Variants in OSGIN1 observed in about 807,000 individuals in gnomAD.
OSGIN1 encodes the protein oxidative stress induced growth inhibitor 1.
OSGIN1 carries 19 observed loss-of-function variants against 20.1 expected under a neutral mutation model. The ratio of observed to expected loss-of-function variants is 0.95; its 90% CI spans 0.66 to 1.39. The LOEUF is 1.39. OSGIN1 is among the 40% of genes most tolerant of loss of function. The pLI, the probability that OSGIN1 is intolerant of heterozygous loss-of-function variation, is 0.00. For synonymous variants in OSGIN1, 368 were observed against 297.8 expected, an observed-to-expected ratio of 1.24 and a Z score of -2.43; for missense variants, 820 against 653.0, an observed-to-expected ratio of 1.26 and a Z score of -2.79.
intron 5 of OSGIN1, among the ~76,000 whole-genome samples, chr16:83,962,358 C>T (rs892982568): frequency 9.9e-5 from 15 of 152,242 alleles, no homozygotes; most frequent in African/African-American, 3.6e-4. Flanking sequence ...CCTGCCCCAG[C>T]CTCCCGAGTA....
intron 1 of OSGIN1, among the ~76,000 whole-genome samples, chr16:83,953,755 T>C (rs758490631): frequency 6.6e-6 from 1 of 152,104 alleles, no homozygotes; most frequent in South Asian, 2.1e-4. Context: ...TCTGGGTTTC[T>C]GCTTCTCCTG....
At position 83,960,728 on chromosome 16, in the gene OSGIN1, C is replaced by A; in HGVS notation, c.364C>A (p.Leu122Met). Residue 122 changes from leucine to methionine, a missense_variant, in exon 4 of 6, where the codon CTG becomes ATG. Leu to Met is a conservative substitution (Grantham distance 15). Transcript: ENST00000393306. Reference sequence around the variant, plus strand: ...GGAGCACGCCATCCCCCACGTGGTTCTGGGCCGGAACCTCCCCGGGGGAGC... The same window carrying A: ...GGAGCACGCCATCCCCCACGTGGTTATGGGCCGGAACCTCCCCGGGGGAGC... ...RKEHAIPHVV[L>M]GRNLPGGAWH... is the part of the protein sequence containing the mutation. 1 of 1,613,422 alleles carries A rather than the reference C, an allele frequency of 6.2e-7. No homozygotes were observed. Among genetic ancestry groups the A allele is most frequent in the Non-Finnish European group, 8.5e-7 (1 of 1,180,028 alleles).
chr16:83,954,339 A>C (rs1174857013), intron 1 of OSGIN1: 1 of 152,248 alleles, frequency 6.6e-6, no homozygotes, highest in African/African-American at 2.4e-5. Flanking sequence ...ACGTCAGTCG[A>C]AGGTGCAACT....
rs145668522 is a variant in OSGIN1 at position 83,960,645 on chromosome 16, G to C, written c.281G>C (p.Arg94Pro). The C allele has an allele frequency of 2.7e-5, 43 of 1,613,512 alleles. No homozygotes were observed. The African/African-American group carries it at 4.9e-4, about 18-fold the overall frequency. The change falls in exon 4 of 6, where the codon CGC (arginine) becomes CCC (proline). Residue 94 changes from arginine to proline, a missense_variant. Physicochemically the swap from Arg to Pro is moderately radical, Grantham distance 103 (BLOSUM62 -2). Coordinates refer to ENST00000393306, the MANE Select transcript of OSGIN1 (RefSeq NM_182981.3). ...PVALLFDALL[R>P]PDTDFGGNMK... The stretch of plus-strand genomic sequence containing the variant: ...GCCCTGCTCTTTGATGCCCTTCTAC[G>C]CCCAGACACAGACTTTGGGGGAAAC...
At chr16:83,962,324 C>T (rs1327313451) in intron 5 of OSGIN1, among the ~76,000 whole-genome samples, 7 of 152,272 alleles carry the variant, frequency 4.6e-5, no homozygotes, top group Middle Eastern at 3.4e-3. Context: ...CTGCAAGCTC[C>T]GCCTCCCAGG....
In OSGIN1 at chr16:83,959,292, C is replaced by A; in HGVS notation, c.100C>A (p.Leu34Met). 1 of 1,613,840 alleles carries A rather than the reference C, an allele frequency of 6.2e-7. No homozygotes were observed. The highest frequency in any genetic ancestry group is 8.5e-7 in the Non-Finnish European group (1 of 1,179,978). ...CCCCTCTGGTATCTGCCTGTCCTAC[C>A]TGCTCTCCGGCTACACACCCTACAC... ...NGPSGICLSYLLSGYTPYTKP... is the reference protein window; with the variant it reads ...NGPSGICLSYMLSGYTPYTKP... The change falls in exon 3 of 6, where the codon CTG (leucine) becomes ATG (methionine). Residue 34 changes from leucine to methionine, a missense_variant. Transcript: ENST00000393306.
At chr16:83,957,814 G>T (rs920896424) in intron 2 of OSGIN1, 76 bp downstream of exon 2, 2 of 686,622 alleles carry the variant, frequency 2.9e-6, no homozygotes, top group East Asian at 3.3e-5. Flanking sequence ...GGCAGGAGCT[G>T]GGCAAGTCCA....
chr16:83,966,304 G>C lies in OSGIN1; in HGVS notation c.*297G>C, dbSNP rs2084279715. ...TGCAGCCCTGCGCCTTCCAGAAGCA[G>C]GTCCCAAATAAAGCCAGTGCCCACC... On this transcript the variant is annotated 3_prime_UTR_variant, in exon 6 of 6. Transcript: ENST00000393306. 2.2e-6 allele frequency: 1 copy of C among 455,956 alleles called. No homozygotes were observed. The highest frequency in any genetic ancestry group is 3.9e-6 in the Non-Finnish European group (1 of 258,718). 28.2% of individuals were successfully genotyped at this position (455,956 alleles called of 1,614,324 possible).
chr16:83,957,568 G>A, intron 1 of OSGIN1, 72 bp from the exon 2 acceptor site: 2 of 789,174 alleles, frequency 2.5e-6, no homozygotes, highest in Non-Finnish European at 4.4e-6. Context: ...CCCTAGCTGG[G>A]AGGTGAAGTG....
chr16:83,953,501 G>A lies in OSGIN1; in HGVS notation c.-33+131G>A, dbSNP rs945291440. On this transcript the variant is annotated intron_variant, in intron 1 of 5. Transcript: ENST00000393306. ...GGGGTCCCGGGTGGTCCTGAGTGGA[G>A]GCCCTCGCCTGGGTTCTCTGGAGCC... 8 of 724,804 alleles carry A rather than the reference G, an allele frequency of 1.1e-5. No homozygotes were observed. The African/African-American group carries it at 1.3e-4, about 12-fold the overall frequency. The allele number at this position is 724,804 out of a possible 1,614,324, so 44.9% of individuals were successfully genotyped here.
chr16:83,961,866 A>T (rs558468712), intron 5 of OSGIN1, among the ~76,000 whole-genome samples: 1 of 152,082 alleles, frequency 6.6e-6, no homozygotes, highest in Non-Finnish European at 1.5e-5. Flanking sequence ...CAGGTCCCCC[A>T]GTCCTTGTGG....
intron 1 of OSGIN1, chr16:83,954,160 C>G (rs1197181130): frequency 6.6e-6 from 1 of 152,268 alleles, no homozygotes; most frequent in Non-Finnish European, 1.5e-5. Flanking sequence ...TTTTCTTCCT[C>G]TGCACAATGG....
In OSGIN1 at chr16:83,966,051, G is replaced by A. The variant is rs750636656; in HGVS notation, c.*44G>A. The stretch of plus-strand genomic sequence containing the variant: ...GGCTCCCAGGCCCTGAGAGGACAGA[G>A]ATGACCACATCCCTGCTGGATGCAG... On this transcript the variant is annotated 3_prime_UTR_variant, in exon 6 of 6. Coordinates refer to ENST00000393306, the MANE Select transcript of OSGIN1 (RefSeq NM_182981.3). The A allele has an allele frequency of 3.2e-5, 45 of 1,395,508 alleles. No individual in the cohort carries two copies. In the South Asian group the frequency reaches 5.0e-4, roughly 16 times the overall value. 86.4% of individuals were successfully genotyped at this position (1,395,508 alleles called of 1,614,324 possible).
chr16:83,964,834 G>A (rs2084256800), intron 5 of OSGIN1, among the ~76,000 whole-genome samples: 1 of 152,016 alleles, frequency 6.6e-6, no homozygotes, highest in Non-Finnish European at 1.5e-5. Context: ...CCACCCTAGA[G>A]CATCCTACAC....
chr16:83,958,062 A>T (rs1286925793), intron 2 of OSGIN1, among the ~76,000 whole-genome samples: 1 of 152,004 alleles, frequency 6.6e-6, no homozygotes, highest in Non-Finnish European at 1.5e-5. Flanking sequence ...TTTTTAGTAG[A>T]GATGGGGTTT....
At chr16:83,961,410 T>G (rs2084209997) in intron 5 of OSGIN1, among the ~76,000 whole-genome samples, 1 of 152,116 alleles carries the variant, frequency 6.6e-6, no homozygotes, top group South Asian at 2.1e-4. Context: ...TCTTTTGAGG[T>G]TCTGATGAGC....
At chr16:83,957,530 A>G (rs886662131) in intron 1 of OSGIN1, 110 bp from the exon 2 acceptor site, 2 of 671,212 alleles carry the variant, frequency 3.0e-6, no homozygotes, top group African/African-American at 3.7e-5. Context: ...GGGACCCCGG[A>G]CCAGACCCTG....
intron 4 of OSGIN1, 66 bp from the exon 5 acceptor site, chr16:83,960,915 T>G (rs1909183344): frequency 1.3e-6 from 2 of 1,550,162 alleles, no homozygotes; most frequent in Non-Finnish European, 1.8e-6. Flanking sequence ...AGGCCTCCCA[T>G]GCCCTCTAGC....
At chr16:83,958,809 C>G (rs578141052) in intron 2 of OSGIN1, among the ~76,000 whole-genome samples, 19 of 152,326 alleles carry the variant, frequency 1.2e-4, no homozygotes, top group Non-Finnish European at 2.8e-4. Flanking sequence ...GCAATCTGTG[C>G]TACATTCACT....
Sources: allele counts gnomAD v4.1 joint callset (sites outside exome capture counted in the v4.1 genomes callset), GRCh38; gene constraint gnomAD v4.1.1; transcripts MANE v1.5; gene names NCBI Gene and HGNC (gene_info 2026-07-23, HGNC 2026-07-21).